Variants in ULK2 observed in about 807,000 individuals in gnomAD.
ULK2 encodes the protein serine/threonine-protein kinase ULK2.
Under a neutral mutation model 127.5 loss-of-function variants are expected in ULK2, and 76 were observed. That is an observed-to-expected ratio of 0.60 (90% CI 0.50 to 0.72). The LOEUF (loss-of-function observed/expected upper bound fraction) is 0.72. Ranked by LOEUF, ULK2 falls within the 30% of genes least tolerant of loss-of-function variation. The pLI, the probability that ULK2 is intolerant of heterozygous loss-of-function variation, is 0.00. For synonymous variants in ULK2, 452 were observed against 461.9 expected (o/e 0.98, Z 0.28); for missense variants, 1,144 against 1,295.9 (o/e 0.88, Z 1.80).
At chr17:19,825,263 T>G (rs1014940422) in intron 11 of ULK2, 81 bp from the exon 12 acceptor site, 7 of 1,196,612 alleles carry the variant, frequency 5.8e-6, no homozygotes, top group Non-Finnish European at 7.2e-6. Context: ...TTGCCAAAAC[T>G]ACTACACCTT....
intron 14 of ULK2, among the ~76,000 whole-genome samples, chr17:19,808,462 T>C (rs2087559727): frequency 1.3e-5 from 2 of 152,124 alleles, no homozygotes; most frequent in African/African-American, 4.8e-5. Flanking sequence ...AATGTTCATG[T>C]ATCAAAGGAC....
chr17:19,789,738 G>C (rs2087111103), intron 20 of ULK2, among the ~76,000 whole-genome samples: 1 of 151,926 alleles, frequency 6.6e-6, no homozygotes, highest in Non-Finnish European at 1.5e-5. Context: ...TTCCAGAGGT[G>C]AAAAATGCAA....
intron 12 of ULK2, among the ~76,000 whole-genome samples, chr17:19,822,782 G>A (rs2041187568): frequency 6.6e-6 from 1 of 152,088 alleles, no homozygotes; most frequent in Admixed American, 6.6e-5. Context: ...CGCCTCCCGG[G>A]TTCAAGCGAT....
intron 10 of ULK2, among the ~76,000 whole-genome samples, chr17:19,829,052 T>A (rs1018497023): frequency 6.6e-6 from 1 of 151,668 alleles, no homozygotes; most frequent in African/African-American, 2.4e-5. Flanking sequence ...TGGGTGAAAG[T>A]GTAAGACTCC....
intron 22 of ULK2, among the ~76,000 whole-genome samples, 159 bp downstream of exon 22, chr17:19,783,538 G>A (rs976024610): frequency 6.6e-6 from 1 of 152,168 alleles, no homozygotes; most frequent in African/African-American, 2.4e-5. Flanking sequence ...CACTGTCAAT[G>A]TTAATTTAAA....
At chr17:19,846,662 A>C in intron 6 of ULK2, 75 bp downstream of exon 6, 1 of 1,452,664 alleles carries the variant, frequency 6.9e-7, no homozygotes, top group South Asian at 1.5e-5. Context: ...AAAATCCATC[A>C]TTCAACAAAG....
intron 8 of ULK2, among the ~76,000 whole-genome samples, chr17:19,842,395 C>T (rs1171688408): frequency 6.6e-6 from 1 of 151,778 alleles, no homozygotes; most frequent in Admixed American, 6.6e-5. Flanking sequence ...TGGGGTTTCT[C>T]CATGTTGGTC....
intron 13 of ULK2, among the ~76,000 whole-genome samples, chr17:19,811,432 C>CT (rs970072108): frequency 1.8e-4 from 26 of 146,158 alleles, no homozygotes; most frequent in East Asian, 5.9e-4. Context: ...TTTCAAGTAA[C>CT]TTTTTTTTTT....
Position 19,867,436 on chromosome 17 carries a change from C to A in ULK2, c.-19G>T, listed in dbSNP as rs1416250052. ...CCTCCATGGCCGCGCCCCCGGGGCA[C>A]ACAGCGGACGGGCGGGCGGCGCAGT... On this transcript the variant is annotated 5_prime_UTR_variant, in exon 1 of 27. Transcript: ENST00000395544. The A allele has an allele frequency of 6.3e-7, 1 of 1,583,674 alleles. No individual in the cohort carries two copies. Among genetic ancestry groups the A allele is most frequent in the South Asian group, 1.1e-5 (1 of 87,982 alleles).
rs577343646 is a variant in ULK2 at position 19,852,736 on chromosome 17, T to TTCTCCTGCCTCAG, written c.226-2975_226-2963dup. Among the ~76,000 whole-genome samples, 349 of 150,778 alleles carry TTCTCCTGCCTCAG rather than the reference T, an allele frequency of 2.3e-3. 13 individuals are homozygous for TTCTCCTGCCTCAG. In the East Asian group the frequency reaches 0.058, roughly 25 times the overall value. On this transcript the variant is annotated intron_variant, in intron 3 of 26. Coordinates refer to ENST00000395544, the MANE Select transcript of ULK2 (RefSeq NM_014683.4). ...AGCTCCACCTCCAGGGTCCACGCCATTCTCCTGCCTCAGTCTCCCGAGTAG... is the reference window on the plus strand; with the variant it reads ...AGCTCCACCTCCAGGGTCCACGCCATTCTCCTGCCTCAGTCTCCTGCCTCAGTCTCCCGAGTAG...
chr17:19,794,601 G>A (rs1275217884), intron 20 of ULK2, among the ~76,000 whole-genome samples: 2 of 152,078 alleles, frequency 1.3e-5, no homozygotes, highest in Non-Finnish European at 2.9e-5. Context: ...AACTATGCAG[G>A]GAAGAAGATA....
intron 7 of ULK2, among the ~76,000 whole-genome samples, chr17:19,844,760 G>A (rs1446915657): frequency 1.3e-5 from 2 of 151,982 alleles, no homozygotes; most frequent in African/African-American, 2.4e-5. Context: ...TAGAATTAAG[G>A]TATTTCCAGA....
chr17:19,830,202 A>AT lies in ULK2; in HGVS notation c.788-4017dup, dbSNP rs138271759. Among the ~76,000 whole-genome samples, 103 of 149,294 alleles carry AT rather than the reference A, an allele frequency of 6.9e-4. No individual in the cohort carries two copies. In the South Asian group the frequency reaches 7.7e-3, roughly 11 times the overall value. Reference sequence around the variant, plus strand: ...TTAGGCCACAAAACAAGTCTTAATAATTTTTTTTTTTAATCAGAGACAATG... The same window carrying AT: ...TTAGGCCACAAAACAAGTCTTAATAATTTTTTTTTTTTAATCAGAGACAATG... On this transcript the variant is annotated intron_variant, in intron 10 of 26. Coordinates refer to ENST00000395544, the MANE Select transcript of ULK2 (RefSeq NM_014683.4).
intron 21 of ULK2, 59 bp from the exon 22 acceptor site, chr17:19,783,964 C>T (rs2086974726): frequency 7.6e-7 from 1 of 1,311,630 alleles, no homozygotes; most frequent in Non-Finnish European, 9.8e-7. Context: ...ACACCCACTC[C>T]TACTCTTATT....
At chr17:19,854,200 C>G (rs1182523317) in intron 3 of ULK2, among the ~76,000 whole-genome samples, 1 of 151,438 alleles carries the variant, frequency 6.6e-6, no homozygotes, top group Non-Finnish European at 1.5e-5. Flanking sequence ...ACTGCTTGAA[C>G]CCAGAAGACG....
At chr17:19,794,366 G>A (rs568871439) in intron 20 of ULK2, among the ~76,000 whole-genome samples, 1 of 152,092 alleles carries the variant, frequency 6.6e-6, no homozygotes, top group Non-Finnish European at 1.5e-5. Flanking sequence ...AACATTCAAA[G>A]CAGTAATGGC....
chr17:19,797,866 T>C (rs2087309027), intron 17 of ULK2, among the ~76,000 whole-genome samples, 184 bp from the exon 18 acceptor site: 1 of 152,206 alleles, frequency 6.6e-6, no homozygotes, highest in African/African-American at 2.4e-5. Flanking sequence ...AACAAGTCCA[T>C]TGTTCGTATT....
intron 3 of ULK2, among the ~76,000 whole-genome samples, chr17:19,854,170 C>A (rs959277826): frequency 6.6e-6 from 1 of 151,204 alleles, no homozygotes; most frequent in Non-Finnish European, 1.5e-5. Context: ...CCCAGCTACT[C>A]GGAAGGCTGA....
At chr17:19,842,959 C>A (rs564162593) in intron 8 of ULK2, among the ~76,000 whole-genome samples, 162 bp downstream of exon 8, 1 of 152,190 alleles carries the variant, frequency 6.6e-6, no homozygotes, top group Admixed American at 6.5e-5. Flanking sequence ...AACCAAAAGA[C>A]GTTCTGACTC....
Sources: gnomAD v4.1 joint callset for allele counts (sites outside exome capture counted in the v4.1 genomes callset) on GRCh38, gnomAD v4.1.1 for gene constraint, MANE v1.5 for transcripts, NCBI Gene and HGNC (gene_info 2026-07-23, HGNC 2026-07-21) for gene names.